The following SLC4A4 variants were observed in gnomAD, a reference collection of about 807,000 sequenced individuals.
SLC4A4 encodes the protein electrogenic sodium bicarbonate cotransporter 1.
In SLC4A4, 27 loss-of-function variants were observed where a neutral mutation model predicts 111.5. That is an observed-to-expected ratio of 0.24 (90% CI 0.18 to 0.33). SLC4A4 has a LOEUF of 0.33. Ranked by LOEUF, SLC4A4 falls within the 10% of genes least tolerant of loss-of-function variation. The pLI, the probability that SLC4A4 is intolerant of heterozygous loss-of-function variation, is 1.00. For synonymous variants in SLC4A4, 443 were observed against 463.4 expected (o/e 0.96, Z 0.57); for missense variants, 909 against 1,315.5 (o/e 0.69, Z 4.78).
chr4:71,446,050 G>A (rs1301155071), intron 8 of SLC4A4, among the ~76,000 whole-genome samples: 2 of 152,056 alleles, frequency 1.3e-5, no homozygotes, highest in African/African-American at 2.4e-5. Context: ...TTCAGAGCTG[G>A]TTTCTAAGCA....
rs549584545 is a variant in SLC4A4 at position 71,570,476 on chromosome 4, T to G, written c.*2725T>G. On this transcript the variant is annotated 3_prime_UTR_variant, in exon 26 of 26. Coordinates refer to ENST00000264485, the MANE Select transcript of SLC4A4 (RefSeq NM_001098484.3). ...AGGTTTACCTAGTGACACCAAATTATCGGTATTTTAACTGAATTTACCCAT... is the reference window on the plus strand; with the variant it reads ...AGGTTTACCTAGTGACACCAAATTAGCGGTATTTTAACTGAATTTACCCAT... 97 of 152,326 alleles carry G rather than the reference T, an allele frequency of 6.4e-4. No homozygotes were observed. The highest frequency in any genetic ancestry group is 2.3e-3 in the African/African-American group (95 of 41,500). The allele number at this position is 152,326 out of a possible 1,614,324, so 9.4% of individuals were successfully genotyped here.
chr4:71,335,487 T>C (rs1289070752), intron 3 of SLC4A4, among the ~76,000 whole-genome samples: 1 of 152,176 alleles, frequency 6.6e-6, no homozygotes, highest in African/African-American at 2.4e-5. Context: ...CAAATATTTT[T>C]ACATTAAAGT....
intron 6 of SLC4A4, among the ~76,000 whole-genome samples, chr4:71,363,509 C>G (rs1459416197): frequency 6.6e-6 from 1 of 152,204 alleles, no homozygotes; most frequent in East Asian, 1.9e-4. Context: ...ATCCCCCCAA[C>G]TGCCCCATAC....
At chr4:71,114,015 A>T (rs1255036781) in intron 2 of SLC4A4, among the ~76,000 whole-genome samples, 1 of 152,176 alleles carries the variant, frequency 6.6e-6, no homozygotes, top group Non-Finnish European at 1.5e-5. Flanking sequence ...TGGGAGGCCG[A>T]GGCCGGCGGA....
chr4:71,278,098 C>T (rs1214448895), intron 3 of SLC4A4, among the ~76,000 whole-genome samples: 1 of 152,112 alleles, frequency 6.6e-6, no homozygotes, highest in Non-Finnish European at 1.5e-5. Context: ...TCTCCCCATT[C>T]TCCCAACCTC....
chr4:71,451,229 G>A lies in SLC4A4; in HGVS notation c.1250G>A (p.Gly417Glu). 6.2e-7 allele frequency: 1 copy of A among 1,613,252 alleles called. No homozygotes were observed. ...GGTGGAGAGAATGTTCAGATGAATG[G>A]GGATACGCCCCATGATGGAGGTCAC... ...YSGGENVQMN[G>E]DTPHDGGHGG... The change falls in exon 11 of 26, where the codon GGG (glycine) becomes GAG (glutamate). Residue 417 changes from glycine to glutamate, a missense_variant. Physicochemically the swap from Gly to Glu is moderately conservative, Grantham distance 98. This residue lies in a region of SLC4A4 where 312 missense variants were observed against 402.0 expected (regional missense o/e 0.78). Coordinates refer to ENST00000264485, the MANE Select transcript of SLC4A4 (RefSeq NM_001098484.3).
intron 18 of SLC4A4, among the ~76,000 whole-genome samples, chr4:71,536,478 A>ATG (rs1560598102): frequency 9.7e-5 from 9 of 92,510 alleles, no homozygotes; most frequent in Non-Finnish European, 1.3e-4. Context: ...ATATATATAT[A>ATG]TATATATATG....
intron 22 of SLC4A4, among the ~76,000 whole-genome samples, chr4:71,559,392 C>T (rs1736755055): frequency 6.6e-6 from 1 of 151,850 alleles, no homozygotes; most frequent in Admixed American, 6.6e-5. Flanking sequence ...TATCTGGGTT[C>T]ATCTCCCTCA....
chr4:71,376,803 A>G (rs891663861), intron 6 of SLC4A4, among the ~76,000 whole-genome samples: 1 of 150,774 alleles, frequency 6.6e-6, no homozygotes, highest in Non-Finnish European at 1.5e-5. Context: ...TGCCCAGCTA[A>G]TTTTTGTGTT....
chr4:71,232,652 A>G (rs186813072), intron 1 of SLC4A4, among the ~76,000 whole-genome samples: 13 of 152,242 alleles, frequency 8.5e-5, no homozygotes, highest in African/African-American at 2.6e-4. Context: ...GCCTCAAGCA[A>G]TCCTCCCACT....
At chr4:71,413,831 A>C (rs1721606107) in intron 7 of SLC4A4, among the ~76,000 whole-genome samples, 1 of 152,156 alleles carries the variant, frequency 6.6e-6, no homozygotes, top group East Asian at 1.9e-4. Flanking sequence ...TGCTCTTGCC[A>C]GTGAAATGCA....
chr4:71,189,291 T>G (rs916843066), intron 1 of SLC4A4, among the ~76,000 whole-genome samples: 2 of 152,204 alleles, frequency 1.3e-5, no homozygotes, highest in African/African-American at 4.8e-5. Context: ...ATTGACAGAA[T>G]GTACTCTCAG....
At chr4:71,526,378 T>A (rs186846198) in intron 16 of SLC4A4, among the ~76,000 whole-genome samples, 18 of 152,218 alleles carry the variant, frequency 1.2e-4, no homozygotes, top group African/African-American at 3.6e-4. Context: ...TATATCACCC[T>A]GACTGTGATT....
intron 2 of SLC4A4, among the ~76,000 whole-genome samples, chr4:71,156,369 G>A (rs945141132): frequency 1.3e-5 from 2 of 152,114 alleles, no homozygotes; most frequent in African/African-American, 2.4e-5. Flanking sequence ...TCTGTGCACA[G>A]TTATGTGCAC....
intron 3 of SLC4A4, among the ~76,000 whole-genome samples, chr4:71,290,986 C>G (rs1724301180): frequency 6.6e-6 from 1 of 152,136 alleles, no homozygotes; most frequent in Non-Finnish European, 1.5e-5. Context: ...TAATTAATAT[C>G]AATTTACATG....
At chr4:71,388,252 C>T (rs550723243) in intron 6 of SLC4A4, among the ~76,000 whole-genome samples, 12 of 151,860 alleles carry the variant, frequency 7.9e-5, no homozygotes, top group East Asian at 5.8e-4. Context: ...TGTGTGTGTG[C>T]GTGTGTGGGT....
chr4:71,076,771 G>A (rs1235190123), intron 1 of SLC4A4, among the ~76,000 whole-genome samples: 1 of 152,092 alleles, frequency 6.6e-6, no homozygotes, highest in Non-Finnish European at 1.5e-5. Context: ...CGGGCAGATT[G>A]TTTGAGTGCA....
intron 2 of SLC4A4, among the ~76,000 whole-genome samples, chr4:71,097,025 TG>T (rs1426437998): frequency 6.6e-6 from 1 of 152,204 alleles, no homozygotes; most frequent in Non-Finnish European, 1.5e-5. Context: ...TTAACCTTTT[TG>T]TTTGTTTGTT....
intron 6 of SLC4A4, among the ~76,000 whole-genome samples, chr4:71,383,405 T>C (rs1273862987): frequency 6.6e-6 from 1 of 152,218 alleles, no homozygotes; most frequent in Non-Finnish European, 1.5e-5. Context: ...ACATACCCTC[T>C]GTATGATGAA....
Sources: allele counts gnomAD v4.1 joint callset (sites outside exome capture counted in the v4.1 genomes callset), GRCh38; gene constraint gnomAD v4.1.1; regional missense constraint gnomAD v4.1.1; transcripts MANE v1.5; gene names NCBI Gene and HGNC (gene_info 2026-07-23, HGNC 2026-07-21).